The following ATG10 variants were observed in gnomAD, a reference collection of about 807,000 sequenced individuals.
ATG10 encodes the protein autophagy related 10.
ATG10 carries 30 observed loss-of-function variants against 32.1 expected under a neutral mutation model. That is an observed-to-expected ratio of 0.94 (90% CI 0.70 to 1.27). The LOEUF (loss-of-function observed/expected upper bound fraction) is 1.27. Among genes scored for constraint, ATG10 ranks in the 50% most tolerant of loss-of-function variants. ATG10 has a pLI of 0.00. For synonymous variants in ATG10, 87 were observed against 91.5 expected, an observed-to-expected ratio of 0.95 and a Z score of 0.28; for missense variants, 233 against 262.3, an observed-to-expected ratio of 0.89 and a Z score of 0.77.
At chr5:82,213,625 T>G (rs1026594051) in intron 5 of ATG10, among the ~76,000 whole-genome samples, 5 of 152,192 alleles carry the variant, frequency 3.3e-5, no homozygotes, top group Non-Finnish European at 7.3e-5. Context: ...AAGAGTTAAA[T>G]CTATCTTAAA....
chr5:82,211,332 A>G (rs1745484268), intron 5 of ATG10, among the ~76,000 whole-genome samples: 2 of 152,134 alleles, frequency 1.3e-5, no homozygotes, highest in South Asian at 4.1e-4. Context: ...TTTCTTATAT[A>G]TAATCTACAG....
chr5:82,247,799 G>GT (rs1371257622), intron 5 of ATG10, among the ~76,000 whole-genome samples: 1 of 152,034 alleles, frequency 6.6e-6, no homozygotes, highest in East Asian at 1.9e-4. Context: ...TTTTCTTGTT[G>GT]TTGCTGTTGT....
chr5:82,000,522 G>A (rs1761817341), intron 2 of ATG10, among the ~76,000 whole-genome samples: 1 of 152,156 alleles, frequency 6.6e-6, no homozygotes. Flanking sequence ...AGAGGAAGTT[G>A]AACTATTGCT....
At chr5:82,224,072 T>C (rs1746028074) in intron 5 of ATG10, among the ~76,000 whole-genome samples, 1 of 152,174 alleles carries the variant, frequency 6.6e-6, no homozygotes, top group African/African-American at 2.4e-5. Flanking sequence ...AGGATGACCA[T>C]GGGTCGACAG....
intron 5 of ATG10, among the ~76,000 whole-genome samples, chr5:82,243,216 C>T (rs951343927): frequency 2.5e-4 from 38 of 151,314 alleles, no homozygotes; most frequent in Non-Finnish European, 4.0e-4. Context: ...TTTAATCCTA[C>T]GCTTAGTCAA....
At chr5:82,146,008 A>T (rs1767344102) in intron 3 of ATG10, among the ~76,000 whole-genome samples, 1 of 152,102 alleles carries the variant, frequency 6.6e-6, no homozygotes, top group Non-Finnish European at 1.5e-5. Flanking sequence ...CGCCTGGCCA[A>T]ACATTATAGT....
At chr5:82,067,101 A>G (rs563168205) in intron 3 of ATG10, among the ~76,000 whole-genome samples, 2 of 152,266 alleles carry the variant, frequency 1.3e-5, no homozygotes, top group African/African-American at 4.8e-5. Context: ...TTTTTAAAGG[A>G]AATAACTGTG....
chr5:82,171,592 C>T (rs1743810983), intron 4 of ATG10, among the ~76,000 whole-genome samples: 2 of 152,136 alleles, frequency 1.3e-5, no homozygotes, highest in Admixed American at 6.5e-5. Flanking sequence ...AAATGGGGCT[C>T]TGCCTCCTAC....
At chr5:82,252,423 A>T in intron 5 of ATG10, 139 bp from the exon 6 acceptor site, 1 of 628,394 alleles carries the variant, frequency 1.6e-6, no homozygotes, top group Non-Finnish European at 2.8e-6. Flanking sequence ...GTTTTTAAAA[A>T]TAGAAAATAA....
Position 82,164,581 on chromosome 5 carries a change from A to T in ATG10, c.355+44A>T, listed in dbSNP as rs192444116. The T allele has an allele frequency of 8.6e-6, 13 of 1,518,412 alleles. No homozygotes were observed. The East Asian group carries it at 2.7e-4, about 32-fold the overall frequency. 94.1% of individuals were successfully genotyped at this position (1,518,412 alleles called of 1,614,324 possible). A position where few individuals can be genotyped will look rare whatever the true frequency, so the allele number is the denominator to read the frequency against. On this transcript the variant is annotated intron_variant, in intron 4 of 7. Coordinates refer to ENST00000282185, the MANE Select transcript of ATG10 (RefSeq NM_031482.5). ...CTAAAAGTAAATTTATAACATTTAC[A>T]TATAAAGCAAAAAGCATATTTGGAA...
In ATG10 at chr5:82,037,234, C is replaced by CTTTTTTTTTTTTTT. The variant is rs1166784267; in HGVS notation, c.109-21243_109-21230dup. Among the ~76,000 whole-genome samples, 2 of 36,930 alleles carry CTTTTTTTTTTTTTT rather than the reference C, an allele frequency of 5.4e-5. 1 individual carries two copies. The highest frequency in any genetic ancestry group is 9.7e-5 in the Non-Finnish European group (2 of 20,566). The allele number at this position is 36,930 out of a possible 152,430, so 24.2% of individuals were successfully genotyped here. A position where few individuals can be genotyped will look rare whatever the true frequency, so the allele number is the denominator to read the frequency against. On this transcript the variant is annotated intron_variant, in intron 2 of 7. Transcript: ENST00000282185. ...ACTTTTTGTAATAAGATCTCATTTA[C>CTTTTTTTTTTTTTT]TTTTTTTTTTTTTTTTTTTTTTTTT...
intron 2 of ATG10, among the ~76,000 whole-genome samples, chr5:82,039,793 C>T (rs1763030166): frequency 2.6e-5 from 4 of 152,128 alleles, no homozygotes; most frequent in Admixed American, 2.6e-4. Context: ...CATGAAACAA[C>T]AATTAAATTA....
At chr5:82,220,581 A>G (rs1745879849) in intron 5 of ATG10, among the ~76,000 whole-genome samples, 1 of 150,766 alleles carries the variant, frequency 6.6e-6, no homozygotes, top group African/African-American at 2.4e-5. Flanking sequence ...TTAAATCACA[A>G]ATGCAGTGTG....
chr5:81,977,400 G>T (rs532931335), intron 1 of ATG10, among the ~76,000 whole-genome samples: 343 of 152,252 alleles, frequency 2.3e-3, no homozygotes, highest in Non-Finnish European at 4.2e-3. Flanking sequence ...GTACATTGTA[G>T]GATGTTTATT....
intron 5 of ATG10, among the ~76,000 whole-genome samples, chr5:82,183,657 A>G (rs760207868): frequency 6.6e-6 from 1 of 152,134 alleles, no homozygotes; most frequent in African/African-American, 2.4e-5. Context: ...TTCTAATTCT[A>G]TCATTCATTA....
chr5:82,191,867 G>GT (rs1744674970), intron 5 of ATG10, among the ~76,000 whole-genome samples: 2 of 152,290 alleles, frequency 1.3e-5, no homozygotes, highest in African/African-American at 2.4e-5. Flanking sequence ...CTTGGAACTT[G>GT]TAATAGCTGT....
intron 5 of ATG10, among the ~76,000 whole-genome samples, chr5:82,233,756 C>G (rs1262565924): frequency 1.3e-5 from 2 of 152,170 alleles, no homozygotes; most frequent in Admixed American, 6.6e-5. Context: ...AACTTTCTTA[C>G]TATATAGGGG....
At chr5:82,092,774 A>T (rs1764934928) in intron 3 of ATG10, among the ~76,000 whole-genome samples, 1 of 152,214 alleles carries the variant, frequency 6.6e-6, no homozygotes, top group African/African-American at 2.4e-5. Context: ...TTAGGGTGTG[A>T]ATAAATAGAC....
intron 2 of ATG10, among the ~76,000 whole-genome samples, chr5:82,043,944 C>G (rs1763160611): frequency 6.6e-6 from 1 of 152,038 alleles, no homozygotes. Context: ...CCAAACTGTT[C>G]CAACTTCTGC....
Sources: gnomAD v4.1 joint callset for allele counts (sites outside exome capture counted in the v4.1 genomes callset) on GRCh38, gnomAD v4.1.1 for gene constraint, MANE v1.5 for transcripts, NCBI Gene and HGNC (gene_info 2026-07-23, HGNC 2026-07-21) for gene names.